The following SCAND1 variants were observed in gnomAD, a reference collection of about 807,000 sequenced individuals.
The protein encoded by SCAND1 is SCAN domain containing 1.
SCAND1 carries 3 observed loss-of-function variants against 3.4 expected under a neutral mutation model. That is an observed-to-expected ratio of 0.87 (90% confidence interval 0.40 to 2.25). The LOEUF (loss-of-function observed/expected upper bound fraction) is 2.25, where lower values mean the gene tolerates loss of function less well. Among genes scored for constraint, SCAND1 ranks in the 30% most tolerant of loss-of-function variants. The pLI is 0.05. For synonymous variants in SCAND1, 152 were observed against 120.5 expected, an observed-to-expected ratio of 1.26 and a Z score of -1.72; for missense variants, 303 against 258.8, an observed-to-expected ratio of 1.17 and a Z score of -1.17.
At chr20:35,958,640 T>TTGTGTG (rs141670470), upstream of SCAND1, among the ~76,000 whole-genome samples, 1 of 149,462 alleles carries the variant, frequency 6.7e-6, no homozygotes, top group African/African-American at 2.4e-5. Context: ...ATACATGCAT[T>TTGTGTG]TGTGTGTGTG....
chr20:35,954,360 CA>C (rs1784657721), intron 1 of SCAND1, 21 bp from the exon 2 acceptor site: 1 of 1,598,142 alleles, frequency 6.3e-7, no homozygotes, highest in Admixed American at 1.7e-5. Context: ...GTGGGGTGAG[CA>C]GGGAGACGTT....
upstream of SCAND1, among the ~76,000 whole-genome samples, chr20:35,957,355 G>T (rs1314353894): frequency 2.6e-5 from 4 of 152,106 alleles, no homozygotes; most frequent in East Asian, 7.7e-4. Context: ...GGGAGGCATA[G>T]GCAGGCGGAT....
chr20:35,957,458 C>T (rs542104541), upstream of SCAND1, among the ~76,000 whole-genome samples: 11 of 152,130 alleles, frequency 7.2e-5, no homozygotes, highest in Non-Finnish European at 2.9e-5. Context: ...CTCGGTGGCT[C>T]ATGCCTGTAA....
chr20:35,956,195 T>C (rs540140526), upstream of SCAND1, among the ~76,000 whole-genome samples: 142 of 152,326 alleles, frequency 9.3e-4, 1 homozygote, highest in South Asian at 0.029. Context: ...AACTTACCCC[T>C]ACCATAGGAT....
chr20:35,954,695 A>G, upstream of SCAND1: 1 of 1,125,838 alleles, frequency 8.9e-7, no homozygotes, highest in South Asian at 1.6e-5. Context: ...GAGGAGCCTG[A>G]ATGTTTGGAG....
At chr20:35,958,933 C>G (rs1342294471), upstream of SCAND1, 2 of 152,206 alleles carry the variant, frequency 1.3e-5, no homozygotes, top group African/African-American at 2.4e-5. Context: ...GAGATTCACC[C>G]AAGTGGTTGC....
upstream of SCAND1, chr20:35,954,616 A>G (rs1027208923): frequency 1.5e-6 from 2 of 1,353,308 alleles, no homozygotes; most frequent in Non-Finnish European, 1.9e-6. Flanking sequence ...CGGGAGGGCG[A>G]GCTGCGCGTG....
At chr20:35,957,308 C>G (rs756625636), upstream of SCAND1, among the ~76,000 whole-genome samples, 4 of 152,104 alleles carry the variant, frequency 2.6e-5, no homozygotes, top group Admixed American at 6.5e-5. Context: ...AGTAGTTGGC[C>G]GGGCGCGGTG....
rs759578484 is a variant in SCAND1, at chr20:35,953,883, G to A, written c.402C>T (p.Arg134=). ...TGCGGATGTCAGGCCGCAGCCACTG[G>A]CGGGACAGCTCCCGCAGCTGCCGGA... The part of the protein sequence containing the change: ...EAFRQLRELS[R]QWLRPDIRTK... Residue 134 remains arginine (R), a synonymous_variant, in exon 2 of 2, where the codon CGC becomes CGT. Coordinates refer to ENST00000305978, the MANE Select transcript of SCAND1 (RefSeq NM_033630.3). 3.1e-5 allele frequency: 49 copies of A among 1,576,962 alleles called. No individual in the cohort carries two copies. Among genetic ancestry groups the A allele is most frequent in the Non-Finnish European group, 4.2e-5 (49 of 1,164,012 alleles).
upstream of SCAND1, among the ~76,000 whole-genome samples, chr20:35,958,359 G>T (rs2056277536): frequency 6.6e-6 from 1 of 152,172 alleles, no homozygotes. Context: ...TTGAACCCGG[G>T]AGGCAGAGGT....
chr20:35,957,975 C>T (rs1208875201), upstream of SCAND1, among the ~76,000 whole-genome samples: 1 of 152,180 alleles, frequency 6.6e-6, no homozygotes, highest in Non-Finnish European at 1.5e-5. Flanking sequence ...ATGTGGATTG[C>T]AGACCATCCC....
chr20:35,958,242 C>G (rs1022847678), upstream of SCAND1, among the ~76,000 whole-genome samples: 1 of 151,956 alleles, frequency 6.6e-6, no homozygotes, highest in African/African-American at 2.4e-5. Context: ...ACCAGCCTGG[C>G]CAATATAGTG....
upstream of SCAND1, chr20:35,954,578 G>T (rs2147154074): frequency 6.9e-7 from 1 of 1,441,914 alleles, no homozygotes; most frequent in Admixed American, 2.2e-5. Flanking sequence ...TTCTCGAGTC[G>T]CATGAGGCGG....
intron 1 of SCAND1, 31 bp from the exon 2 acceptor site, chr20:35,954,370 T>C (rs756246369): frequency 2.5e-6 from 4 of 1,588,042 alleles, no homozygotes; most frequent in Non-Finnish European, 3.4e-6. Context: ...CAGGGAGACG[T>C]TTCCGGTTAA....
Position 35,953,862 on chromosome 20 carries a change from G to C in SCAND1, c.423C>G (p.Ile141Met). 1 of 1,592,126 alleles carries C rather than the reference G, an allele frequency of 6.3e-7. No individual in the cohort carries two copies. The highest frequency in any genetic ancestry group is 8.5e-7 in the Non-Finnish European group (1 of 1,171,534). The change falls in exon 2 of 2, where the codon ATC becomes ATG. Residue 141 changes from isoleucine to methionine, a missense_variant. Coordinates refer to ENST00000305978, the MANE Select transcript of SCAND1 (RefSeq NM_033630.3). The part of the protein sequence containing the change: ...ELSRQWLRPD[I>M]RTKEQIVEML... ...TCTCCACGATCTGCTCCTTGGTGCG[G>C]ATGTCAGGCCGCAGCCACTGGCGGG...
At chr20:35,957,622 T>C (rs566368187), upstream of SCAND1, 3 of 152,216 alleles carry the variant, frequency 2.0e-5, no homozygotes, top group Non-Finnish European at 4.4e-5. Context: ...GATGCAGTTA[T>C]CTACTTTCAT....
chr20:35,954,031 G>C lies in SCAND1; in HGVS notation c.254C>G (p.Pro85Arg). The C allele has an allele frequency of 1.3e-6, 2 of 1,544,002 alleles. No individual in the cohort carries two copies. The highest frequency in any genetic ancestry group is 8.7e-7 in the Non-Finnish European group (1 of 1,143,854). Residue 85 changes from proline to arginine, a missense_variant, in exon 2 of 2, where the codon CCT (proline) becomes CGT (arginine). By Grantham distance (103) the Pro-to-Arg change is moderately radical. Transcript: ENST00000305978. ...GGAGCGCGCTTCAGCTTCGGCCTGAGGCGCTACGCTCACGGGTGCGGGCCC... is the reference window on the plus strand; with the variant it reads ...GGAGCGCGCTTCAGCTTCGGCCTGACGCGCTACGCTCACGGGTGCGGGCCC... ...PLGPAPVSVA[P>R]QAEAEARSTP...
At chr20:35,957,187 C>T (rs1360805674), upstream of SCAND1, among the ~76,000 whole-genome samples, 8 of 152,064 alleles carry the variant, frequency 5.3e-5, no homozygotes, top group Non-Finnish European at 1.2e-4. Flanking sequence ...TGGAAGGGCC[C>T]TTAGAAATGG....
In SCAND1 at chr20:35,954,488, C is replaced by T. The variant is rs762497207; in HGVS notation, c.-96G>A. ...GCCTGCGGCAGCCGGAAGCGAAAGT[C>T]TCTGGCTTCTCTGCGTCCAGGTCGG... is the stretch of plus-strand genomic sequence containing the variant. On this transcript the variant is annotated 5_prime_UTR_variant, in exon 1 of 2. Transcript: ENST00000305978. 120 of 1,543,438 alleles carry T rather than the reference C, an allele frequency of 7.8e-5. No individual in the cohort carries two copies. The highest frequency in any genetic ancestry group is 1.7e-4 in the Middle Eastern group (1 of 6,002).
Sources: allele counts gnomAD v4.1 joint callset (sites outside exome capture counted in the v4.1 genomes callset), GRCh38; gene constraint gnomAD v4.1.1; transcripts MANE v1.5; gene names NCBI Gene and HGNC (gene_info 2026-07-23, HGNC 2026-07-21).